GDE1: variants seen among roughly 807,000 people sequenced by gnomAD.
GDE1 encodes glycerophosphodiester phosphodiesterase 1, also known as RGS16-interacting membrane protein.
GDE1 carries 24 observed loss-of-function variants against 32.2 expected under a neutral mutation model. The observed-to-expected ratio is 0.75, with a 90% CI of 0.54 to 1.05. GDE1 has a LOEUF of 1.05. Ranked by LOEUF, GDE1 falls within the 50% of genes least tolerant of loss-of-function variation. The probability of loss-of-function intolerance (pLI) is 0.00; values close to 1 mark genes in which losing one functional copy is unlikely to be tolerated. For missense variants in GDE1, 380 were observed against 415.0 expected (o/e 0.92, Z 0.73); for synonymous variants, 159 against 158.6 (o/e 1.00, Z -0.02).
chr16:19,517,282 G>T, intron 1 of GDE1, 93 bp from the exon 2 acceptor site: 1 of 934,690 alleles, frequency 1.1e-6, no homozygotes, highest in Non-Finnish European at 1.7e-6. Context: ...TCCTAAGACA[G>T]CTGTCCTTTT....
In GDE1 at chr16:19,503,377, TC is replaced by T. The variant is rs1261759104; in HGVS notation, c.*92del. 1 of 1,116,552 alleles carries T rather than the reference TC, an allele frequency of 9.0e-7. No homozygotes were observed. Among genetic ancestry groups the T allele is most frequent in the African/African-American group, 1.6e-5 (1 of 64,176 alleles). The allele number at this position is 1,116,552 out of a possible 1,614,324, so 69.2% of individuals were successfully genotyped here. A position where few individuals can be genotyped will look rare whatever the true frequency, so the allele number is the denominator to read the frequency against. On this transcript the variant is annotated 3_prime_UTR_variant, in exon 6 of 6. Transcript: ENST00000353258. ...ATTGCATTTGTGTGAGTCACCTGAT[TC>T]CCCAGGGCCTGGGCTAGCACAAAGG...
At chr16:19,521,351 A>C in intron 1 of GDE1, 1 of 235,450 alleles carries the variant, frequency 4.2e-6, no homozygotes, top group East Asian at 8.3e-5. Flanking sequence ...TCTTCATTGC[A>C]CCTTTCACTC....
chr16:19,521,317 TCTTTC>T (rs1969450026), intron 1 of GDE1: 1 of 193,538 alleles, frequency 5.2e-6, no homozygotes, highest in Admixed American at 5.5e-5. Flanking sequence ...ATAGCGTAAC[TCTTTC>T]CTTCGAGTTC....
chr16:19,519,826 G>A (rs1969427083), intron 1 of GDE1, among the ~76,000 whole-genome samples: 1 of 152,092 alleles, frequency 6.6e-6, no homozygotes, highest in Non-Finnish European at 1.5e-5. Flanking sequence ...TGCCAACATG[G>A]CAAAACACCA....
intron 1 of GDE1, among the ~76,000 whole-genome samples, chr16:19,520,091 T>G (rs183006329): frequency 8.5e-5 from 13 of 152,208 alleles, no homozygotes; most frequent in East Asian, 7.7e-4. Context: ...TGCTAGAATT[T>G]CTGGTAGATT....
At position 19,516,928 on chromosome 16, in the gene GDE1, T is replaced by A. The variant is rs190499086; in HGVS notation, c.437+86A>T. ...TCAAAACAAAACAAGACAACTCTCCTGGGGCAGATGTAATTAGAAGGCACC... is the reference window on the plus strand; with the variant it reads ...TCAAAACAAAACAAGACAACTCTCCAGGGGCAGATGTAATTAGAAGGCACC... On this transcript the variant is annotated intron_variant, in intron 2 of 5. Transcript: ENST00000353258. The A allele has an allele frequency of 2.5e-3, 2,908 of 1,169,508 alleles. 13 individuals are homozygous for A. Among genetic ancestry groups the A allele is most frequent in the Non-Finnish European group, 2.7e-3 (2,160 of 794,956 alleles). The allele number at this position is 1,169,508 out of a possible 1,614,324, so 72.4% of individuals were successfully genotyped here.
At position 19,503,635 on chromosome 16, in the gene GDE1, C is replaced by T; in HGVS notation, c.849-18G>A. ...AGTAGGCCCTGGGGAAAGAGGAAAG[C>T]CAATCCTGTTAGAATAATAAGCAGC... On this transcript the variant is annotated intron_variant, in intron 5 of 5. Coordinates refer to ENST00000353258, the MANE Select transcript of GDE1 (RefSeq NM_016641.4). The T allele has an allele frequency of 6.2e-7, 1 of 1,608,708 alleles. No individual in the cohort carries two copies. The highest frequency in any genetic ancestry group is 1.1e-5 in the South Asian group (1 of 90,770).
Position 19,519,449 on chromosome 16 carries a change from C to CATATATATATATATATATAT in GDE1, c.261+2235_261+2254dup, listed in dbSNP as rs111659244. On this transcript the variant is annotated intron_variant, in intron 1 of 5. Transcript: ENST00000353258. The stretch of plus-strand genomic sequence containing the variant: ...AAACCTATATATGTGTGTGTATGTG[C>CATATATATATATATATATAT]ATATATATATATATATATATATATA... Among the ~76,000 whole-genome samples the CATATATATATATATATATAT allele has an allele frequency of 5.4e-5, 8 of 146,940 alleles. No individual in the cohort carries two copies. In the South Asian group the frequency reaches 1.3e-3, roughly 24 times the overall value.
At chr16:19,506,320 AAAAC>A (rs1417210282) in intron 4 of GDE1, among the ~76,000 whole-genome samples, 3 of 152,258 alleles carry the variant, frequency 2.0e-5, no homozygotes, top group African/African-American at 7.2e-5. Flanking sequence ...ACAAACAAAA[AAAAC>A]AGAGAGAGAG....
intron 2 of GDE1, among the ~76,000 whole-genome samples, chr16:19,511,807 ATG>A: frequency 6.6e-6 from 1 of 152,204 alleles, no homozygotes; most frequent in Non-Finnish European, 1.5e-5. Context: ...GAGTGACAAC[ATG>A]TAATATTTGC....
intron 1 of GDE1, among the ~76,000 whole-genome samples, chr16:19,517,925 T>C (rs1969402213): frequency 6.6e-6 from 1 of 151,768 alleles, no homozygotes. Context: ...TCTGGCTCTG[T>C]TGTTCAGGCT....
intron 3 of GDE1, among the ~76,000 whole-genome samples, chr16:19,509,785 C>T (rs567686305): frequency 1.3e-5 from 2 of 151,750 alleles, no homozygotes; most frequent in African/African-American, 2.4e-5. Flanking sequence ...CTCAGCCTCC[C>T]GAGTAGCTGG....
chr16:19,503,435 C>A lies in GDE1; in HGVS notation c.*35G>T, dbSNP rs202202853. The A allele has an allele frequency of 1.7e-4, 275 of 1,600,514 alleles. 1 individual carries two copies. In the Admixed American group the frequency reaches 4.6e-3, roughly 27 times the overall value. ...TGATATCCCTGTATGAGGCCCCTGG[C>A]AGTTTCTGAACCCGTTTCGTCCCAC... On this transcript the variant is annotated 3_prime_UTR_variant, in exon 6 of 6. Transcript: ENST00000353258.
rs775629516 is a variant in GDE1 at position 19,504,958 on chromosome 16, G to A, written c.771C>T (p.Leu257=). Residue 257 remains leucine, a synonymous_variant, in exon 5 of 6, where the codon CTC becomes CTT. Coordinates refer to ENST00000353258, the MANE Select transcript of GDE1 (RefSeq NM_016641.4). ...ACAAGATATTATGCATGCTCCAATC[G>A]AGCAAAATGTCCATCATAACAAATA... ...HFIFVMMDIL[L]DWSMHNILWY... is the part of the protein sequence containing the mutation. 6.2e-6 allele frequency: 10 copies of A among 1,613,304 alleles called. No individual in the cohort carries two copies. The highest frequency in any genetic ancestry group is 2.7e-5 in the African/African-American group (2 of 75,020).
At chr16:19,507,061 C>A (rs1969256858) in intron 4 of GDE1, among the ~76,000 whole-genome samples, 1 of 151,888 alleles carries the variant, frequency 6.6e-6, no homozygotes, top group East Asian at 1.9e-4. Flanking sequence ...ATCATTTGAG[C>A]CTGGAAGGTC....
chr16:19,510,969 G>T lies in GDE1; in HGVS notation c.438-25C>A, dbSNP rs772585184. ...CCTGTAAGAGAAGAGAAAATACGTT[G>T]TAGGAAAAAAGAGAAACAGATAAAC... On this transcript the variant is annotated intron_variant, in intron 2 of 5. Coordinates refer to ENST00000353258, the MANE Select transcript of GDE1 (RefSeq NM_016641.4). 5.0e-6 allele frequency: 6 copies of T among 1,202,508 alleles called. No individual in the cohort carries two copies. The African/African-American group carries it at 7.6e-5, about 15-fold the overall frequency. The allele number at this position is 1,202,508 out of a possible 1,614,324, so 74.5% of individuals were successfully genotyped here. A position where few individuals can be genotyped will look rare whatever the true frequency, so the allele number is the denominator to read the frequency against.
rs1401205049 is a variant in GDE1 at position 19,508,906 on chromosome 16, C to T, written c.544-1127G>A. ...CTACTACCATCTTGGTGAATTAGGT[C>T]ACTATGTTCTACCCAGTCTTGGCTG... On this transcript the variant is annotated intron_variant, in intron 3 of 5. Coordinates refer to ENST00000353258, the MANE Select transcript of GDE1 (RefSeq NM_016641.4). Among the ~76,000 whole-genome samples the T allele has an allele frequency of 2.0e-5, 3 of 152,334 alleles. No homozygotes were observed. The East Asian group carries it at 5.8e-4, about 29-fold the overall frequency.
intron 4 of GDE1, among the ~76,000 whole-genome samples, chr16:19,507,134 G>A (rs1969257613): frequency 7.0e-6 from 1 of 142,566 alleles, no homozygotes; most frequent in African/African-American, 2.6e-5. Context: ...GGGAGAACCC[G>A]TCTTTTAAAA....
At chr16:19,505,635 A>G (rs1473666290) in intron 4 of GDE1, among the ~76,000 whole-genome samples, 1 of 152,136 alleles carries the variant, frequency 6.6e-6, no homozygotes, top group Admixed American at 6.6e-5. Flanking sequence ...GAGTTCCTTT[A>G]GTCTCTGCTC....
Sources: gnomAD v4.1 joint callset for allele counts (sites outside exome capture counted in the v4.1 genomes callset) on GRCh38, gnomAD v4.1.1 for gene constraint, MANE v1.5 for transcripts, NCBI Gene and HGNC (gene_info 2026-07-23, HGNC 2026-07-21) for gene names.